The following AUTS2 variants were observed in gnomAD, a reference collection of about 807,000 sequenced individuals.
AUTS2 encodes the protein activator of transcription and developmental regulator AUTS2, also known as autism susceptibility gene 2 protein.
Under a neutral mutation model 112.4 loss-of-function variants are expected in AUTS2, and 17 were observed. The observed-to-expected ratio is 0.15, with a 90% confidence interval of 0.10 to 0.23. AUTS2 has a LOEUF of 0.23. Among genes scored for constraint, AUTS2 ranks in the 10% least tolerant of loss-of-function variants. AUTS2 has a pLI of 1.00. For missense variants in AUTS2, 1,510 were observed against 1,701.6 expected (o/e 0.89, Z 1.98); for synonymous variants, 751 against 702.7 (o/e 1.07, Z -1.09).
chr7:69,754,243 G>GTTCATACATAT (rs1239265586), intron 1 of AUTS2, among the ~76,000 whole-genome samples: 2 of 152,126 alleles, frequency 1.3e-5, no homozygotes, highest in African/African-American at 4.8e-5. Flanking sequence ...AGAAGGGGTG[G>GTTCATACATAT]GGACAACATA....
intron 5 of AUTS2, among the ~76,000 whole-genome samples, chr7:70,514,125 GTTTAT>G (rs1799317911): frequency 6.6e-6 from 1 of 152,178 alleles, no homozygotes; most frequent in Admixed American, 6.5e-5. Context: ...TAGAGCTCTA[GTTTAT>G]TTTAACTGCT....
chr7:70,482,321 T>G (rs1195235753), intron 5 of AUTS2, among the ~76,000 whole-genome samples: 1 of 152,138 alleles, frequency 6.6e-6, no homozygotes. Flanking sequence ...CTCTGTGGCT[T>G]CCTCGTCTTA....
At chr7:70,425,213 A>G (rs1351781562) in intron 4 of AUTS2, among the ~76,000 whole-genome samples, 1 of 152,228 alleles carries the variant, frequency 6.6e-6, no homozygotes, top group Non-Finnish European at 1.5e-5. Context: ...GGGAAAAAGA[A>G]CTTGGAATTC....
At chr7:70,272,528 G>C (rs756492554) in intron 4 of AUTS2, among the ~76,000 whole-genome samples, 6 of 152,154 alleles carry the variant, frequency 3.9e-5, no homozygotes, top group Non-Finnish European at 8.8e-5. Context: ...TCTTTTTTCT[G>C]TGTACCACTA....
rs529375742 is a variant in AUTS2, at chr7:69,659,343, C to T, written c.309+59381C>T. On this transcript the variant is annotated intron_variant, in intron 1 of 18. Coordinates refer to ENST00000342771, the MANE Select transcript of AUTS2 (RefSeq NM_015570.4). Reference sequence around the variant, plus strand: ...GGTCAGACCCTTGTTAAATTTTGTCCGTATATTCATTGTTTGCTGTGGAAT... The same window carrying T: ...GGTCAGACCCTTGTTAAATTTTGTCTGTATATTCATTGTTTGCTGTGGAAT... Among the ~76,000 whole-genome samples, 75 of 151,852 alleles carry T rather than the reference C, an allele frequency of 4.9e-4. 1 individual carries two copies. The highest frequency in any genetic ancestry group is 1.7e-3 in the African/African-American group (71 of 41,424).
chr7:70,019,979 T>A (rs1321197771), intron 2 of AUTS2, among the ~76,000 whole-genome samples: 1 of 152,208 alleles, frequency 6.6e-6, no homozygotes, highest in Non-Finnish European at 1.5e-5. Context: ...ACATTTAGAA[T>A]ACAGCACTCA....
At chr7:70,574,511 C>G (rs1162773627) in intron 5 of AUTS2, among the ~76,000 whole-genome samples, 1 of 152,172 alleles carries the variant, frequency 6.6e-6, no homozygotes, top group East Asian at 1.9e-4. Context: ...TGTACTTTGG[C>G]CTACATAGTA....
intron 4 of AUTS2, among the ~76,000 whole-genome samples, chr7:70,237,202 A>G (rs768038481): frequency 3.3e-5 from 5 of 152,186 alleles, no homozygotes; most frequent in Non-Finnish European, 7.3e-5. Flanking sequence ...AATAAAAAAT[A>G]TTGCATTTTT....
intron 1 of AUTS2, among the ~76,000 whole-genome samples, chr7:69,822,118 T>G (rs1251045014): frequency 6.6e-6 from 1 of 152,104 alleles, no homozygotes; most frequent in Non-Finnish European, 1.5e-5. Context: ...GAGAAGGGCT[T>G]GAACTAGCAG....
At chr7:69,732,081 A>G (rs373083163) in intron 1 of AUTS2, among the ~76,000 whole-genome samples, 5 of 152,148 alleles carry the variant, frequency 3.3e-5, no homozygotes, top group South Asian at 2.1e-4. Flanking sequence ...TAGGAAGGCT[A>G]TAGAGCCAAG....
At chr7:70,245,611 G>T (rs905217923) in intron 4 of AUTS2, among the ~76,000 whole-genome samples, 1 of 152,010 alleles carries the variant, frequency 6.6e-6, no homozygotes, top group Non-Finnish European at 1.5e-5. Flanking sequence ...GTGTTCCATT[G>T]TATGAATATA....
chr7:70,424,621 C>G (rs772433310), intron 4 of AUTS2, among the ~76,000 whole-genome samples: 17 of 152,134 alleles, frequency 1.1e-4, no homozygotes, highest in Non-Finnish European at 2.2e-4. Flanking sequence ...GGGTCTCTCT[C>G]TGTCACCCAG....
At chr7:70,662,983 C>T (rs1807146846) in intron 5 of AUTS2, among the ~76,000 whole-genome samples, 1 of 152,182 alleles carries the variant, frequency 6.6e-6, no homozygotes, top group Non-Finnish European at 1.5e-5. Flanking sequence ...ATCTGGAGGT[C>T]ACTAGCAATT....
chr7:70,367,569 A>T lies in AUTS2; in HGVS notation c.661-68183A>T, dbSNP rs186964769. On this transcript the variant is annotated intron_variant, in intron 4 of 18. Transcript: ENST00000342771. Reference sequence around the variant, plus strand: ...AGACTCTGTCTCAAAAAAAAAAAAAATTGTAAAAAATAATAATAATAATAA... The same window carrying T: ...AGACTCTGTCTCAAAAAAAAAAAAATTTGTAAAAAATAATAATAATAATAA... Among the ~76,000 whole-genome samples, 67 of 147,384 alleles carry T rather than the reference A, an allele frequency of 4.5e-4. 2 individuals are homozygous for T. In the East Asian group the frequency reaches 0.013, roughly 28 times the overall value.
At chr7:69,797,898 T>A (rs1227774833) in intron 1 of AUTS2, among the ~76,000 whole-genome samples, 1 of 152,146 alleles carries the variant, frequency 6.6e-6, no homozygotes, top group Non-Finnish European at 1.5e-5. Flanking sequence ...TCTTAGAAAG[T>A]CTCTTTACTT....
At position 70,658,447 on chromosome 7, in the gene AUTS2, G is replaced by A. The variant is rs146026974; in HGVS notation, c.691-40122G>A. ...TACGAGAGCCTTTGATCCATCTCTCGGCTGAATCCAGCCCCTCACGGGGCT... is the reference window on the plus strand; with the variant it reads ...TACGAGAGCCTTTGATCCATCTCTCAGCTGAATCCAGCCCCTCACGGGGCT... On this transcript the variant is annotated intron_variant, in intron 5 of 18. Transcript: ENST00000342771. Among the ~76,000 whole-genome samples, 21 of 152,310 alleles carry A rather than the reference G, an allele frequency of 1.4e-4. No individual in the cohort carries two copies. In the East Asian group the frequency reaches 3.5e-3, roughly 25 times the overall value.
chr7:70,750,731 G>A (rs1052302243), intron 6 of AUTS2, among the ~76,000 whole-genome samples: 3 of 152,198 alleles, frequency 2.0e-5, no homozygotes, highest in Non-Finnish European at 2.9e-5. Flanking sequence ...TTTGCCTCTT[G>A]GCATGCATAC....
intron 5 of AUTS2, among the ~76,000 whole-genome samples, chr7:70,500,928 G>A (rs894114938): frequency 6.6e-6 from 1 of 151,954 alleles, no homozygotes; most frequent in African/African-American, 2.4e-5. Flanking sequence ...TCACCATGTT[G>A]GCCAGGCTGG....
At chr7:70,450,080 C>T (rs1401040168) in intron 5 of AUTS2, among the ~76,000 whole-genome samples, 1 of 152,192 alleles carries the variant, frequency 6.6e-6, no homozygotes, top group African/African-American at 2.4e-5. Flanking sequence ...GGCAGCCTTC[C>T]TGAAGTGATG....
Sources: allele counts gnomAD v4.1 joint callset (sites outside exome capture counted in the v4.1 genomes callset), GRCh38; gene constraint gnomAD v4.1.1; transcripts MANE v1.5; gene names NCBI Gene and HGNC (gene_info 2026-07-23, HGNC 2026-07-21).